The following CR1 variants were observed in gnomAD, a reference collection of about 807,000 sequenced individuals.
CR1 encodes complement receptor type 1.
CR1 carries 116 observed loss-of-function variants against 187.3 expected under a neutral mutation model. That is an observed-to-expected ratio of 0.62 (90% CI 0.53 to 0.72). CR1 has a LOEUF of 0.72. Ranked by LOEUF, CR1 falls within the 30% of genes least tolerant of loss-of-function variation. CR1 has a pLI of 0.00. For missense variants in CR1, 1,731 were observed against 2,110.7 expected (o/e 0.82, Z 3.52); for synonymous variants, 576 against 747.1 (o/e 0.77, Z 3.73).
At chr1:207,617,512 T>TGTGTGTGG (rs1662150815) in intron 41 of CR1, among the ~76,000 whole-genome samples, 1 of 94,312 alleles carries the variant, frequency 1.1e-5, no homozygotes, top group Non-Finnish European at 2.2e-5. Context: ...TATATATGTG[T>TGTGTGTGG]GTGTGTGTGT....
At chr1:207,606,460 T>G (rs972250987) in intron 35 of CR1, 3 of 152,200 alleles carry the variant, frequency 2.0e-5, no homozygotes, top group African/African-American at 7.2e-5. Flanking sequence ...CCTGATCACA[T>G]TTCTTACATA....
chr1:207,586,114 T>C (rs1169359144), intron 33 of CR1, among the ~76,000 whole-genome samples: 2 of 117,160 alleles, frequency 1.7e-5, no homozygotes, highest in Non-Finnish European at 3.5e-5. Context: ...GGTTCTTTTT[T>C]TGTTTTGTTT....
chr1:207,518,023 C>T (rs77963322), intron 4 of CR1, among the ~76,000 whole-genome samples: 1 of 151,956 alleles, frequency 6.6e-6, no homozygotes. Context: ...TTGTGTATTC[C>T]TCCAGTCCTA....
intron 46 of CR1, among the ~76,000 whole-genome samples, chr1:207,637,932 C>G (rs866378623): frequency 2.6e-4 from 39 of 152,182 alleles, no homozygotes; most frequent in Non-Finnish European, 4.7e-4. Flanking sequence ...TCCCTATTTC[C>G]CATGTCTTAT....
At chr1:207,632,539 A>G (rs748781987) in intron 46 of CR1, among the ~76,000 whole-genome samples, 14 of 152,230 alleles carry the variant, frequency 9.2e-5, no homozygotes, top group South Asian at 4.1e-4. Context: ...CTGTAATCCC[A>G]GCACTTTGGG....
intron 4 of CR1, among the ~76,000 whole-genome samples, chr1:207,512,970 G>A (rs1420274942): frequency 6.6e-6 from 1 of 152,162 alleles, no homozygotes; most frequent in Non-Finnish European, 1.5e-5. Flanking sequence ...GTGTAGCATG[G>A]TGCTTCCTCA....
chr1:207,619,401 G>C (rs995002040), intron 42 of CR1, among the ~76,000 whole-genome samples: 1 of 147,736 alleles, frequency 6.8e-6, no homozygotes, highest in African/African-American at 2.5e-5. Flanking sequence ...AAAAGAAAAA[G>C]AAAAAGAAAG....
At chr1:207,625,011 CT>C (rs1298503129) in intron 45 of CR1, among the ~76,000 whole-genome samples, 4 of 152,158 alleles carry the variant, frequency 2.6e-5, no homozygotes, top group African/African-American at 9.7e-5. Context: ...TTCTTCATTA[CT>C]TATGGTCCAT....
intron 3 of CR1, among the ~76,000 whole-genome samples, chr1:207,507,940 A>G (rs1659495580): frequency 6.6e-6 from 1 of 152,254 alleles, no homozygotes; most frequent in African/African-American, 2.4e-5. Flanking sequence ...ATAGAATATT[A>G]TTCAATACCA....
rs189394406 is a variant in CR1 at position 207,509,233 on chromosome 1, A to C, written c.402-2336A>C. Among the ~76,000 whole-genome samples the C allele has an allele frequency of 1.5e-3, 233 of 152,298 alleles. 1 individual carries two copies. Among genetic ancestry groups the C allele is most frequent in the African/African-American group, 4.4e-3 (181 of 41,546 alleles). On this transcript the variant is annotated intron_variant, in intron 3 of 46. Transcript: ENST00000367049. ...GGAGGAGACTCCCAAAAGTCTAGACATGTTCACCCACATCCTGTATGTGGT... is the reference window on the plus strand; with the variant it reads ...GGAGGAGACTCCCAAAAGTCTAGACCTGTTCACCCACATCCTGTATGTGGT...
intron 28 of CR1, among the ~76,000 whole-genome samples, chr1:207,576,654 C>A (rs961600318): frequency 1.3e-5 from 2 of 151,966 alleles, no homozygotes; most frequent in African/African-American, 4.8e-5. Context: ...CATGTCTCTA[C>A]AAAAAATACA....
intron 35 of CR1, among the ~76,000 whole-genome samples, chr1:207,605,313 A>G (rs1661716243): frequency 6.7e-6 from 1 of 149,348 alleles, no homozygotes. Flanking sequence ...AAATTGCTAG[A>G]AGAGTAGATT....
intron 1 of CR1, among the ~76,000 whole-genome samples, chr1:207,500,940 G>A (rs1415713176): frequency 6.6e-6 from 1 of 152,012 alleles, no homozygotes; most frequent in East Asian, 1.9e-4. Context: ...AGCAACTAAA[G>A]GAAACAATTT....
intron 35 of CR1, among the ~76,000 whole-genome samples, chr1:207,591,062 AG>A (rs1178097452): frequency 6.6e-6 from 1 of 152,222 alleles, no homozygotes; most frequent in Non-Finnish European, 1.5e-5. Context: ...AAAATTAACA[AG>A]GATATTCAGG....
chr1:207,580,155 T>C, intron 29 of CR1, 85 bp from the exon 30 acceptor site: 1 of 1,542,126 alleles, frequency 6.5e-7, no homozygotes, highest in Non-Finnish European at 8.8e-7. Flanking sequence ...TCTATTTCTC[T>C]ACCTCTGACT....
intron 35 of CR1, among the ~76,000 whole-genome samples, chr1:207,591,553 G>C (rs1248294477): frequency 6.6e-6 from 1 of 152,054 alleles, no homozygotes; most frequent in Non-Finnish European, 1.5e-5. Context: ...AGAGAAGCAA[G>C]AGCAAACAAA....
intron 35 of CR1, among the ~76,000 whole-genome samples, chr1:207,594,226 G>A (rs998956938): frequency 1.1e-4 from 17 of 152,134 alleles, no homozygotes; most frequent in Non-Finnish European, 2.4e-4. Flanking sequence ...ATGATAGACT[G>A]GATAAAGAAA....
intron 45 of CR1, among the ~76,000 whole-genome samples, chr1:207,623,589 CACA>C (rs1323636680): frequency 9.0e-4 from 1 of 1,114 alleles, no homozygotes; most frequent in African/African-American, 0.025. Flanking sequence ...CATCTCAAAA[CACA>C]CACACACACA....
At chr1:207,632,797 CAAAAAAAAAAAAA>C (rs55649027) in intron 46 of CR1, among the ~76,000 whole-genome samples, 62,499 of 110,378 alleles carry the variant, frequency 0.57, 16,668 homozygotes, top group Non-Finnish European at 0.64. Flanking sequence ...GACTCCGTCT[CAAAAAAAAAAAAA>C]AAAAAAAAAA....
Sources: gnomAD v4.1 joint callset for allele counts (sites outside exome capture counted in the v4.1 genomes callset) on GRCh38, gnomAD v4.1.1 for gene constraint, MANE v1.5 for transcripts, NCBI Gene and HGNC (gene_info 2026-07-23, HGNC 2026-07-21) for gene names.